The following WWP1 variants were observed in gnomAD, a reference collection of about 807,000 sequenced individuals.
WWP1 encodes the protein NEDD4-like E3 ubiquitin-protein ligase WWP1.
In WWP1, 49 loss-of-function variants were observed where a neutral mutation model predicts 130.6. The ratio of observed to expected loss-of-function variants is 0.38; its 90% CI spans 0.30 to 0.48. WWP1 has a LOEUF of 0.48. WWP1 is among the 20% of genes least tolerant of loss of function. WWP1 has a pLI of 0.99. For synonymous variants in WWP1, 332 were observed against 367.8 expected, an observed-to-expected ratio of 0.90 and a Z score of 1.11; for missense variants, 809 against 1,100.6, an observed-to-expected ratio of 0.74 and a Z score of 3.75.
At chr8:86,347,083 A>G (rs888942257) in intron 1 of WWP1, among the ~76,000 whole-genome samples, 1 of 151,970 alleles carries the variant, frequency 6.6e-6, no homozygotes, top group South Asian at 2.1e-4. Context: ...AGTCATGGCT[A>G]AACTGAAGCC....
intron 3 of WWP1, among the ~76,000 whole-genome samples, chr8:86,374,459 T>C (rs1278983401): frequency 6.6e-6 from 1 of 152,140 alleles, no homozygotes; most frequent in Admixed American, 6.6e-5. Flanking sequence ...TGTTCAATCA[T>C]TGGGCAAATA....
intron 1 of WWP1, among the ~76,000 whole-genome samples, chr8:86,343,515 CTG>C (rs950703671): frequency 6.5e-4 from 86 of 133,122 alleles, no homozygotes; most frequent in African/African-American, 2.3e-3. Flanking sequence ...CTTATCTTGT[CTG>C]TGACTTACAG....
At chr8:86,398,899 C>T (rs1253291817) in intron 7 of WWP1, among the ~76,000 whole-genome samples, 1 of 152,032 alleles carries the variant, frequency 6.6e-6, no homozygotes, top group Non-Finnish European at 1.5e-5. Context: ...GTTGTGTTAC[C>T]TTCTCTACTG....
At chr8:86,367,508 G>A (rs1013725640) in intron 1 of WWP1, among the ~76,000 whole-genome samples, 3 of 152,134 alleles carry the variant, frequency 2.0e-5, no homozygotes, top group African/African-American at 4.8e-5. Flanking sequence ...TAACCTAAGA[G>A]TACTGGAAAT....
chr8:86,353,726 G>T (rs930432239), intron 1 of WWP1, among the ~76,000 whole-genome samples: 1 of 152,080 alleles, frequency 6.6e-6, no homozygotes, highest in African/African-American at 2.4e-5. Flanking sequence ...CAAGTGATCC[G>T]CCTGCCTTGG....
In WWP1 at chr8:86,467,505, T is replaced by C. The variant is rs1465040273; in HGVS notation, c.*612T>C. 3 of 152,580 alleles carry C rather than the reference T, an allele frequency of 2.0e-5. No individual in the cohort carries two copies. Among genetic ancestry groups the C allele is most frequent in the African/African-American group, 7.2e-5 (3 of 41,434 alleles). The allele number at this position is 152,580 out of a possible 1,614,324, so 9.5% of individuals were successfully genotyped here. ...ATTTTTCTCTGTTACATCAGTAATA[T>C]TGTTAAAGTAATGGATAGAACCATA... On this transcript the variant is annotated 3_prime_UTR_variant, in exon 25 of 25. Coordinates refer to ENST00000517970, the MANE Select transcript of WWP1 (RefSeq NM_007013.4).
chr8:86,365,992 G>C (rs1380395589), intron 1 of WWP1, among the ~76,000 whole-genome samples: 2 of 152,196 alleles, frequency 1.3e-5, no homozygotes, highest in Non-Finnish European at 2.9e-5. Context: ...GGAAACAATT[G>C]TACTTAGCCT....
chr8:86,409,825 A>C (rs1808488820), intron 8 of WWP1, among the ~76,000 whole-genome samples: 1 of 151,784 alleles, frequency 6.6e-6, no homozygotes, highest in Non-Finnish European at 1.5e-5. Flanking sequence ...GTGCCACTGC[A>C]CTCCAGTCTG....
chr8:86,362,045 T>G, intron 1 of WWP1, among the ~76,000 whole-genome samples: 1 of 114,898 alleles, frequency 8.7e-6, no homozygotes, highest in African/African-American at 3.6e-5. Flanking sequence ...CACATATATA[T>G]ACACACATAT....
intron 5 of WWP1, among the ~76,000 whole-genome samples, chr8:86,383,427 C>T (rs541953783): frequency 1.3e-5 from 2 of 152,278 alleles, no homozygotes; most frequent in Admixed American, 1.3e-4. Context: ...CGAAATGAAG[C>T]CCTCACGAAT....
chr8:86,426,358 G>T (rs1477293587), intron 10 of WWP1, among the ~76,000 whole-genome samples: 1 of 152,136 alleles, frequency 6.6e-6, no homozygotes, highest in Admixed American at 6.5e-5. Context: ...TGTATTTTTA[G>T]TAATAAGTTT....
At chr8:86,423,996 C>G (rs1198235788) in intron 9 of WWP1, among the ~76,000 whole-genome samples, 14 of 83,196 alleles carry the variant, frequency 1.7e-4, no homozygotes, top group Non-Finnish European at 3.0e-4. Flanking sequence ...TGCCCCCCAC[C>G]TCCCTCCCGG....
chr8:86,353,993 C>G lies in WWP1; in HGVS notation c.-115+11063C>G, dbSNP rs79577462. 6.3e-3 allele frequency among the ~76,000 whole-genome samples: 960 copies of G among 152,214 alleles called. 16 individuals are homozygous for G. The highest frequency in any genetic ancestry group is 0.045 in the South Asian group (218 of 4,820). ...TAATTGTAACTTGTTTTAAAACTTT[C>G]TTTGTGATTTAATTTTTCCATTAAC... On this transcript the variant is annotated intron_variant, in intron 1 of 24. Transcript: ENST00000517970.
chr8:86,379,433 AC>A (rs1391230674), intron 3 of WWP1, among the ~76,000 whole-genome samples: 6 of 152,188 alleles, frequency 3.9e-5, no homozygotes, highest in Admixed American at 2.0e-4. Flanking sequence ...ATGGAAGCTT[AC>A]ATAGCTTTGG....
rs1172787333 is a variant in WWP1, at chr8:86,411,633, A to G, written c.820A>G (p.Thr274Ala). 6.2e-7 allele frequency: 1 copy of G among 1,614,186 alleles called. No individual in the cohort carries two copies. The highest frequency in any genetic ancestry group is 8.5e-7 in the Non-Finnish European group (1 of 1,180,024). ...SEENALSPNC[T>A]STTVEDPPVQ... ...AGAAAATGCCTTGTCTCCAAATTGC[A>G]CTAGTACTACTGTTGAAGATCCTCC... is the stretch of plus-strand genomic sequence containing the variant. Residue 274 changes from threonine (T) to alanine (A), a missense_variant, in exon 9 of 25, where the codon ACT becomes GCT. Transcript: ENST00000517970.
chr8:86,365,129 C>T (rs948800215), intron 1 of WWP1, among the ~76,000 whole-genome samples: 2 of 152,010 alleles, frequency 1.3e-5, no homozygotes, highest in South Asian at 2.1e-4. Context: ...TATGTATTAA[C>T]GTTAATTAAA....
chr8:86,377,144 G>A (rs1824704659), intron 3 of WWP1, among the ~76,000 whole-genome samples: 1 of 151,970 alleles, frequency 6.6e-6, no homozygotes, highest in African/African-American at 2.4e-5. Flanking sequence ...GGAGTGCAGT[G>A]GCGTGATCTT....
chr8:86,356,611 C>T (rs911792780), intron 1 of WWP1, among the ~76,000 whole-genome samples: 1 of 151,858 alleles, frequency 6.6e-6, no homozygotes, highest in African/African-American at 2.4e-5. Flanking sequence ...AATAGAGTAA[C>T]GATGCCAAAG....
chr8:86,392,052 G>T (rs1014079246), intron 5 of WWP1, among the ~76,000 whole-genome samples: 2 of 152,204 alleles, frequency 1.3e-5, no homozygotes, highest in Non-Finnish European at 2.9e-5. Flanking sequence ...TCTCAGGCAG[G>T]TGCTTTAAGG....
Sources: gnomAD v4.1 joint callset for allele counts (sites outside exome capture counted in the v4.1 genomes callset) on GRCh38, gnomAD v4.1.1 for gene constraint, MANE v1.5 for transcripts, NCBI Gene and HGNC (gene_info 2026-07-23, HGNC 2026-07-21) for gene names.